Variants in ZBTB20 observed in about 807,000 individuals in gnomAD.
ZBTB20 encodes zinc finger and BTB domain-containing protein 20.
In ZBTB20, 9 loss-of-function variants were observed where a neutral mutation model predicts 56.9. That is an observed-to-expected ratio of 0.16 (90% CI 0.10 to 0.28). The LOEUF is 0.28. Among genes scored for constraint, ZBTB20 ranks in the 10% least tolerant of loss-of-function variants. The pLI is 1.00. For synonymous variants in ZBTB20, 417 were observed against 420.7 expected (o/e 0.99, Z 0.11); for missense variants, 655 against 1,003.0 (o/e 0.65, Z 4.69).
chr3:114,636,932 A>ACAG (rs925126839), intron 6 of ZBTB20, among the ~76,000 whole-genome samples: 16 of 151,616 alleles, frequency 1.1e-4, no homozygotes, highest in Admixed American at 7.9e-4. Context: ...ACAACAAAAA[A>ACAG]CAACAACAAC....
At chr3:114,440,464 A>G (rs2090837884) in intron 7 of ZBTB20, among the ~76,000 whole-genome samples, 1 of 151,990 alleles carries the variant, frequency 6.6e-6, no homozygotes, top group South Asian at 2.1e-4. Flanking sequence ...TCCTGAAAAA[A>G]ATTTCACTAT....
chr3:114,828,613 T>A (rs561779439), intron 4 of ZBTB20, among the ~76,000 whole-genome samples: 6 of 151,956 alleles, frequency 3.9e-5, no homozygotes, highest in Non-Finnish European at 8.8e-5. Context: ...TTCTTAAGAA[T>A]TGCAATGAGT....
chr3:115,120,492 G>A (rs1171226020), intron 1 of ZBTB20, among the ~76,000 whole-genome samples: 3 of 152,036 alleles, frequency 2.0e-5, no homozygotes, highest in Non-Finnish European at 2.9e-5. Context: ...GTCAATAGGA[G>A]TTATTTTGGG....
chr3:114,834,540 T>C (rs2074021940), intron 4 of ZBTB20, among the ~76,000 whole-genome samples: 1 of 152,206 alleles, frequency 6.6e-6, no homozygotes, highest in Non-Finnish European at 1.5e-5. Context: ...GCATTTACAT[T>C]ATCCACAGAA....
At chr3:114,779,411 C>T (rs986197096) in intron 5 of ZBTB20, among the ~76,000 whole-genome samples, 3 of 152,122 alleles carry the variant, frequency 2.0e-5, no homozygotes, top group African/African-American at 7.2e-5. Context: ...TTACTATCTT[C>T]TCTTAGTTCT....
intron 1 of ZBTB20, among the ~76,000 whole-genome samples, chr3:115,079,249 T>G (rs181420233): frequency 1.1e-3 from 165 of 152,320 alleles, no homozygotes; most frequent in Non-Finnish European, 2.0e-3. Flanking sequence ...TCAAGAAGTT[T>G]CCACTTACTC....
chr3:114,961,910 G>T (rs945744591), intron 3 of ZBTB20, among the ~76,000 whole-genome samples: 1 of 152,100 alleles, frequency 6.6e-6, no homozygotes, highest in Admixed American at 6.6e-5. Context: ...ACAGAGGATA[G>T]AAGTACTCTT....
At chr3:114,525,658 TA>T (rs1305312780) in intron 6 of ZBTB20, among the ~76,000 whole-genome samples, 1 of 152,230 alleles carries the variant, frequency 6.6e-6, no homozygotes, top group Non-Finnish European at 1.5e-5. Context: ...CTTTTCACTT[TA>T]AAATAGGTTT....
chr3:114,848,505 C>T (rs934974467), intron 4 of ZBTB20, among the ~76,000 whole-genome samples: 4 of 152,160 alleles, frequency 2.6e-5, no homozygotes, highest in Non-Finnish European at 2.9e-5. Flanking sequence ...CAATAGCTCT[C>T]GTCCAAACAG....
intron 6 of ZBTB20, among the ~76,000 whole-genome samples, chr3:114,692,458 A>AC (rs2062757055): frequency 6.6e-6 from 1 of 152,076 alleles, no homozygotes; most frequent in African/African-American, 2.4e-5. Context: ...TATCTTTATT[A>AC]CCCCAAGAGA....
chr3:115,053,973 G>C (rs960819495), intron 2 of ZBTB20, among the ~76,000 whole-genome samples: 18 of 151,922 alleles, frequency 1.2e-4, no homozygotes, highest in African/African-American at 3.9e-4. Context: ...CTATTAAATT[G>C]GGCTTTCATA....
chr3:114,584,790 A>T (rs1381887159), intron 6 of ZBTB20, among the ~76,000 whole-genome samples: 4 of 152,202 alleles, frequency 2.6e-5, no homozygotes, highest in African/African-American at 9.6e-5. Flanking sequence ...TACCTGGGGC[A>T]CCAGCCAGAA....
chr3:114,657,285 AT>A (rs1396309896), intron 6 of ZBTB20, among the ~76,000 whole-genome samples: 1 of 152,114 alleles, frequency 6.6e-6, no homozygotes, highest in Non-Finnish European at 1.5e-5. Flanking sequence ...TCTATAATTA[AT>A]TTCTTAGTTC....
intron 2 of ZBTB20, among the ~76,000 whole-genome samples, chr3:115,066,766 A>G (rs1204347524): frequency 6.6e-6 from 1 of 152,046 alleles, no homozygotes; most frequent in Non-Finnish European, 1.5e-5. Context: ...TCAGAAAATC[A>G]AAAGTCTCCT....
intron 1 of ZBTB20, among the ~76,000 whole-genome samples, chr3:115,078,876 T>C (rs1472551022): frequency 6.6e-6 from 1 of 152,102 alleles, no homozygotes; most frequent in Non-Finnish European, 1.5e-5. Flanking sequence ...TCCTTTTCTT[T>C]AACAATAGAT....
intron 1 of ZBTB20, among the ~76,000 whole-genome samples, chr3:115,092,046 A>T (rs1275587828): frequency 1.3e-5 from 2 of 152,130 alleles, no homozygotes; most frequent in African/African-American, 2.4e-5. Context: ...CCAATTCTAA[A>T]TTAAATACTT....
At chr3:114,664,131 A>G (rs944394387) in intron 6 of ZBTB20, among the ~76,000 whole-genome samples, 5 of 152,146 alleles carry the variant, frequency 3.3e-5, no homozygotes, top group African/African-American at 9.6e-5. Flanking sequence ...TATCTAGACA[A>G]TTAATCTGAG....
In ZBTB20 at chr3:114,479,006, A is replaced by G. The variant is rs1391659802; in HGVS notation, c.-255+21346T>C. Among the ~76,000 whole-genome samples, 7 of 150,960 alleles carry G rather than the reference A, an allele frequency of 4.6e-5. No homozygotes were observed. In the East Asian group the frequency reaches 1.4e-3, roughly 30 times the overall value. ...CTCTAGCAAGCTCACAGTACTGAGC[A>G]AAGTGCTATAGTTACAGCTGGCTCT... On this transcript the variant is annotated intron_variant, in intron 7 of 11. Coordinates refer to ENST00000675478, the MANE Select transcript of ZBTB20 (RefSeq NM_001348800.3).
At chr3:115,125,212 A>T (rs1356061478) in intron 1 of ZBTB20, among the ~76,000 whole-genome samples, 2 of 151,990 alleles carry the variant, frequency 1.3e-5, no homozygotes, top group Non-Finnish European at 2.9e-5. Flanking sequence ...GCATGGTGGC[A>T]TGCGCCTGTA....
Sources: gnomAD v4.1 joint callset for allele counts (sites outside exome capture counted in the v4.1 genomes callset) on GRCh38, gnomAD v4.1.1 for gene constraint, MANE v1.5 for transcripts, NCBI Gene and HGNC (gene_info 2026-07-23, HGNC 2026-07-21) for gene names.